Variants in PPP2R1A observed in about 807,000 individuals in gnomAD.
The protein encoded by PPP2R1A is serine/threonine-protein phosphatase 2A 65 kDa regulatory subunit A alpha isoform.
PPP2R1A carries 15 observed loss-of-function variants against 67.1 expected under a neutral mutation model. The ratio of observed to expected loss-of-function variants is 0.22; its 90% CI spans 0.15 to 0.34. PPP2R1A has a LOEUF of 0.34. Ranked by LOEUF, PPP2R1A falls within the 10% of genes least tolerant of loss-of-function variation. PPP2R1A has a pLI of 1.00. For synonymous variants in PPP2R1A, 337 were observed against 325.0 expected (o/e 1.04, Z -0.40); for missense variants, 369 against 775.0 (o/e 0.48, Z 6.22).
chr19:52,208,357 C>T (rs1472912427), intron 3 of PPP2R1A, among the ~76,000 whole-genome samples: 2 of 151,488 alleles, frequency 1.3e-5, no homozygotes, highest in Admixed American at 6.6e-5. Context: ...TTAGTAGAGA[C>T]GGGGTTTCAC....
intron 13 of PPP2R1A, 25 bp from the exon 14 acceptor site, chr19:52,225,692 C>G: frequency 6.2e-7 from 1 of 1,608,304 alleles, no homozygotes; most frequent in African/African-American, 1.3e-5. Flanking sequence ...CACCCTCTCT[C>G]TCCCTGTCTC....
At chr19:52,192,167 A>C (rs914115343) in intron 1 of PPP2R1A, among the ~76,000 whole-genome samples, 1 of 152,104 alleles carries the variant, frequency 6.6e-6, no homozygotes, top group African/African-American at 2.4e-5. Context: ...AGCAAGTACA[A>C]AGTGGGGTGG....
intron 3 of PPP2R1A, among the ~76,000 whole-genome samples, chr19:52,209,145 C>CAGG (rs1281566989): frequency 6.6e-6 from 1 of 152,204 alleles, no homozygotes; most frequent in Non-Finnish European, 1.5e-5. Flanking sequence ...CAGTAACCTA[C>CAGG]AGGAGAAGAG....
chr19:52,220,161 A>G, intron 10 of PPP2R1A, 28 bp from the exon 11 acceptor site: 1 of 1,611,236 alleles, frequency 6.2e-7, no homozygotes. Context: ...TGGAACGCTT[A>G]CCTTGGAACC....
intron 1 of PPP2R1A, among the ~76,000 whole-genome samples, chr19:52,192,212 G>T (rs1049981136): frequency 1.3e-5 from 2 of 152,100 alleles, no homozygotes; most frequent in African/African-American, 4.8e-5. Context: ...ATCAGGCAAG[G>T]CCCCTCTGAG....
At position 52,227,721 on chromosome 19, in the gene PPP2R1A, A is replaced by G. The variant is rs1412764203; in HGVS notation, c.*1740A>G. The G allele has an allele frequency of 6.6e-6, 1 of 152,188 alleles. No homozygotes were observed. Among genetic ancestry groups the G allele is most frequent in the African/African-American group, 2.4e-5 (1 of 41,434 alleles). 9.4% of individuals were successfully genotyped at this position (152,188 alleles called of 1,614,324 possible). A position where few individuals can be genotyped will look rare whatever the true frequency, so the allele number is the denominator to read the frequency against. On this transcript the variant is annotated 3_prime_UTR_variant, in exon 15 of 15. Coordinates refer to ENST00000322088, the MANE Select transcript of PPP2R1A (RefSeq NM_014225.6). Reference sequence around the variant, plus strand: ...AGGGGATGAGGCTGAAGGAGACCAAAAAGCATCTTTAGAAATTTCCATTTA... The same window carrying G: ...AGGGGATGAGGCTGAAGGAGACCAAGAAGCATCTTTAGAAATTTCCATTTA...
intron 11 of PPP2R1A, among the ~76,000 whole-genome samples, chr19:52,220,493 C>T (rs1214447905): frequency 2.0e-5 from 3 of 152,116 alleles, no homozygotes; most frequent in African/African-American, 7.2e-5. Flanking sequence ...AGCAGCCAGA[C>T]CAGGGTTTTG....
intron 1 of PPP2R1A, among the ~76,000 whole-genome samples, chr19:52,196,465 T>C (rs1296666814): frequency 1.3e-5 from 2 of 152,138 alleles, no homozygotes; most frequent in Non-Finnish European, 2.9e-5. Context: ...AACTGCACTT[T>C]TTAGTGCAGT....
At chr19:52,190,658 C>T (rs1047230599) in intron 1 of PPP2R1A, among the ~76,000 whole-genome samples, 3 of 152,176 alleles carry the variant, frequency 2.0e-5, no homozygotes, top group Non-Finnish European at 2.9e-5. Flanking sequence ...GCCTGCCATC[C>T]TAATTCCTGC....
In PPP2R1A at chr19:52,226,563, G is replaced by C. The variant is rs1377082627; in HGVS notation, c.*582G>C. 1 of 198,592 alleles carries C rather than the reference G, an allele frequency of 5.0e-6. No homozygotes were observed. The highest frequency in any genetic ancestry group is 1.0e-5 in the Non-Finnish European group (1 of 96,190). The allele number at this position is 198,592 out of a possible 1,614,324, so 12.3% of individuals were successfully genotyped here. ...AAAGAATACTCTGGGGATCCCCCCA[G>C]GAGTGCTGCTGGCCTTTGGGGTAGA... is the stretch of plus-strand genomic sequence containing the variant. On this transcript the variant is annotated 3_prime_UTR_variant, in exon 15 of 15. Transcript: ENST00000322088.
intron 13 of PPP2R1A, among the ~76,000 whole-genome samples, chr19:52,224,134 C>G (rs1317408160): frequency 3.9e-5 from 6 of 152,192 alleles, no homozygotes; most frequent in African/African-American, 1.4e-4. Context: ...AGTTCAGAAA[C>G]AGGCAGAATG....
chr19:52,224,328 C>T (rs1188981410), intron 13 of PPP2R1A, among the ~76,000 whole-genome samples: 3 of 152,172 alleles, frequency 2.0e-5, no homozygotes, highest in Non-Finnish European at 4.4e-5. Context: ...TTGGTGCAGG[C>T]GGATTTCCCT....
chr19:52,205,091 C>T (rs1328366396), intron 2 of PPP2R1A, among the ~76,000 whole-genome samples: 2 of 152,236 alleles, frequency 1.3e-5, no homozygotes, highest in Non-Finnish European at 2.9e-5. Flanking sequence ...GTTACGTGGC[C>T]TTGCCAACTG....
Position 52,226,270 on chromosome 19 carries a change from C to T in PPP2R1A, c.*289C>T. The T allele has an allele frequency of 2.1e-6, 1 of 486,886 alleles. No homozygotes were observed. The highest frequency in any genetic ancestry group is 3.9e-5 in the South Asian group (1 of 25,760). The allele number at this position is 486,886 out of a possible 1,614,324, so 30.2% of individuals were successfully genotyped here. On this transcript the variant is annotated 3_prime_UTR_variant, in exon 15 of 15. Coordinates refer to ENST00000322088, the MANE Select transcript of PPP2R1A (RefSeq NM_014225.6). ...TGTGAGCATCCCGGGTCACTGGATC[C>T]TGCTGCTGTAATGGGAACCCCTCCC... is the stretch of plus-strand genomic sequence containing the variant.
rs111624846 is a variant in PPP2R1A at position 52,222,408 on chromosome 19, T to C, written c.1661+167T>C. On this transcript the variant is annotated intron_variant, in intron 13 of 14. Transcript: ENST00000322088. The stretch of plus-strand genomic sequence containing the variant: ...AAGGTGTGTTTTCTCAACTGTAAAA[T>C]GAACATCACAGCATGAAATAGAAAG... 6 of 1,015,162 alleles carry C rather than the reference T, an allele frequency of 5.9e-6. No individual in the cohort carries two copies. In the African/African-American group the frequency reaches 6.6e-5, roughly 11 times the overall value. 62.9% of individuals were successfully genotyped at this position (1,015,162 alleles called of 1,614,324 possible).
At chr19:52,208,279 C>T (rs1166363042) in intron 3 of PPP2R1A, among the ~76,000 whole-genome samples, 1 of 151,206 alleles carries the variant, frequency 6.6e-6, no homozygotes, top group Non-Finnish European at 1.5e-5. Flanking sequence ...GGTGATTCTC[C>T]TGCCTCAGCC....
chr19:52,190,063 G>A lies in PPP2R1A; in HGVS notation c.-34G>A. ...CCCCCCCACGTTTCAGCACAGCGCT[G>A]GCCGCAGTCTGACAGGAAAGGGACG... On this transcript the variant is annotated 5_prime_UTR_variant, in exon 1 of 15. Coordinates refer to ENST00000322088, the MANE Select transcript of PPP2R1A (RefSeq NM_014225.6). 1 of 1,534,666 alleles carries A rather than the reference G, an allele frequency of 6.5e-7. No individual in the cohort carries two copies. Among genetic ancestry groups the A allele is most frequent in the Non-Finnish European group, 8.8e-7 (1 of 1,135,478 alleles).
At chr19:52,224,329 G>A (rs1338737445) in intron 13 of PPP2R1A, among the ~76,000 whole-genome samples, 3 of 152,172 alleles carry the variant, frequency 2.0e-5, no homozygotes, top group Non-Finnish European at 4.4e-5. Context: ...TGGTGCAGGC[G>A]GATTTCCCTG....
In PPP2R1A at chr19:52,221,102, T is replaced by C. The variant is rs1978897316; in HGVS notation, c.1487T>C (p.Leu496Pro). ...GCCATGTCCGGAGACCCCAACTACC[T>C]GCACCGCATGACTACGCTCTTCTGC... ...VLAMSGDPNYLHRMTTLFCIN... is the reference protein window; with the variant it reads ...VLAMSGDPNYPHRMTTLFCIN... Residue 496 changes from leucine to proline, a missense_variant, in exon 12 of 15, where the codon CTG becomes CCG. Around this residue, in one of 2 missense-constraint regions of PPP2R1A, gnomAD observed 276 missense variants for 508.4 expected, o/e 0.54. Coordinates refer to ENST00000322088, the MANE Select transcript of PPP2R1A (RefSeq NM_014225.6). 1 of 1,614,132 alleles carries C rather than the reference T, an allele frequency of 6.2e-7. No homozygotes were observed. Among genetic ancestry groups the C allele is most frequent in the African/African-American group, 1.3e-5 (1 of 74,948 alleles).
Sources: allele counts gnomAD v4.1 joint callset (sites outside exome capture counted in the v4.1 genomes callset), GRCh38; gene constraint gnomAD v4.1.1; regional missense constraint gnomAD v4.1.1; transcripts MANE v1.5; gene names NCBI Gene and HGNC (gene_info 2026-07-23, HGNC 2026-07-21).